The following TLR1 variants were observed in gnomAD, a reference collection of about 807,000 sequenced individuals.
TLR1 encodes the protein toll like receptor 1.
A neutral mutation model predicts 20.2 loss-of-function variants in TLR1; 19 were observed. The observed-to-expected ratio is 0.94, with a 90% CI of 0.66 to 1.38. The LOEUF is 1.38. TLR1 is among the 40% of genes most tolerant of loss of function. The probability of loss-of-function intolerance (pLI) is 0.00; values close to 1 mark genes in which losing one functional copy is unlikely to be tolerated. For missense variants in TLR1, 921 were observed against 910.0 expected (o/e 1.01, Z -0.16); for synonymous variants, 320 against 334.5 (o/e 0.96, Z 0.47).
downstream of TLR1, among the ~76,000 whole-genome samples, chr4:38,789,652 G>A (rs569328289): frequency 7.9e-5 from 12 of 152,084 alleles, no homozygotes; most frequent in Middle Eastern, 3.4e-3. Context: ...TAGTAGAGCC[G>A]GGGTTTCACC....
intron 3 of TLR1, chr4:38,800,516 C>T (rs1187528514): frequency 6.6e-6 from 1 of 152,272 alleles, no homozygotes; most frequent in Non-Finnish European, 1.5e-5. Flanking sequence ...AGCTAAGACA[C>T]CATTTTGTGG....
Position 38,798,249 on chromosome 4 carries a change from C to G in TLR1, c.583G>C (p.Val195Leu). The change falls in exon 4 of 4, where the codon GTG becomes CTG. Residue 195 changes from valine (V) to leucine (L), a missense_variant. By Grantham distance (32) the Val-to-Leu change is conservative (BLOSUM62 1). Coordinates refer to ENST00000308979, the MANE Select transcript of TLR1 (RefSeq NM_003263.4). ...QDFNTESLHI[V>L]FPTNKEFHFI... is the part of the protein sequence containing the mutation. ...TGGAATTCTTTGTTTGTGGGGAACA[C>G]AATGTGCAGACTCTCAGTGTTAAAG... 6.2e-7 allele frequency: 1 copy of G among 1,613,420 alleles called. No homozygotes were observed.
In TLR1 at chr4:38,798,326, A is replaced by G. The variant is rs758067803; in HGVS notation, c.506T>C (p.Leu169Pro). The G allele has an allele frequency of 3.7e-6, 6 of 1,613,988 alleles. No homozygotes were observed. The highest frequency in any genetic ancestry group is 5.1e-6 in the Non-Finnish European group (6 of 1,179,920). ...TTCCCCATAAGTCTCTCCTAAGACCAGCAAGACCTTGCTGATATTCAAATG... is the reference window on the plus strand; with the variant it reads ...TTCCCCATAAGTCTCTCCTAAGACCGGCAAGACCTTGCTGATATTCAAATG... ...IAHLNISKVL[L>P]VLGETYGEKE... The change falls in exon 4 of 4, where the codon CTG (leucine) becomes CCG (proline). Residue 169 changes from leucine to proline, a missense_variant. Leu to Pro is a moderately conservative substitution (Grantham distance 98). Transcript: ENST00000308979.
chr4:38,799,662 G>A (rs909892675), intron 3 of TLR1, among the ~76,000 whole-genome samples: 7 of 152,116 alleles, frequency 4.6e-5, no homozygotes, highest in African/African-American at 1.4e-4. Flanking sequence ...ACTCTTTGAC[G>A]TACATCTCCC....
rs150011580 is a variant in TLR1, at chr4:38,797,676, C to T, written c.1156G>A (p.Glu386Lys). 365 of 1,613,646 alleles carry T rather than the reference C, an allele frequency of 2.3e-4. No homozygotes were observed. The highest frequency in any genetic ancestry group is 3.0e-4 in the Non-Finnish European group (355 of 1,179,944). Residue 386 changes from glutamate (E) to lysine (K), a missense_variant, in exon 4 of 4, where the codon GAA (glutamate) becomes AAA (lysine). By Grantham distance (56) the Glu-to-Lys change is moderately conservative (BLOSUM62 1). Coordinates refer to ENST00000308979, the MANE Select transcript of TLR1 (RefSeq NM_003263.4). ...TLILQMNQLK[E>K]LSKIAEMTTQ... ...GTCATTTCAGCTATTTTTGAAAGTT[C>T]TTTTAATTGATTCATTTGTAAAATA...
At chr4:38,805,273 T>C (rs1215077858), upstream of TLR1, 1 of 152,242 alleles carries the variant, frequency 6.6e-6, no homozygotes, top group African/African-American at 2.4e-5. Context: ...ATCATTCATG[T>C]GCTGGTTACA....
upstream of TLR1, chr4:38,804,885 A>T (rs1726924003): frequency 6.6e-6 from 1 of 152,180 alleles, no homozygotes. Context: ...TATGCCACCT[A>T]CCGAATTCCA....
chr4:38,794,107 T>C (rs900887572), downstream of TLR1, among the ~76,000 whole-genome samples: 2 of 152,210 alleles, frequency 1.3e-5, no homozygotes, highest in Non-Finnish European at 2.9e-5. Context: ...TTCAGTTGTT[T>C]AGGCCACCCA....
At chr4:38,791,024 G>A (rs1411915439) in exon 4 of TLR1, 1 of 152,132 alleles carries the variant, frequency 6.6e-6, no homozygotes, top group African/African-American at 2.4e-5. Context: ...TCATTCACAC[G>A]GGTGGGTGTT....
At chr4:38,788,575 T>C (rs1319999691), downstream of TLR1, among the ~76,000 whole-genome samples, 6 of 152,348 alleles carry the variant, frequency 3.9e-5, no homozygotes, top group East Asian at 1.2e-3. Context: ...CTAAGATATA[T>C]TTCAATACGT....
chr4:38,803,692 C>T (rs1185149094), intron 2 of TLR1, among the ~76,000 whole-genome samples: 1 of 152,072 alleles, frequency 6.6e-6, no homozygotes, highest in African/African-American at 2.4e-5. Context: ...TTTCCTAGAC[C>T]AAAGAATTTT....
chr4:38,791,405 C>G (rs985949189), downstream of TLR1, among the ~76,000 whole-genome samples: 8 of 152,338 alleles, frequency 5.3e-5, no homozygotes, highest in African/African-American at 1.9e-4. Flanking sequence ...TTATTGCCCA[C>G]ATATCAATGG....
Position 38,797,314 on chromosome 4 carries a change from C to A in TLR1, c.1518G>T (p.Ser506=), listed in dbSNP as rs5743614. Residue 506 remains serine, a synonymous_variant, in exon 4 of 4, where the codon TCG becomes TCT. Transcript: ENST00000308979. ...IIDHNSVSHP[S]ADFFQSCQKM... Reference sequence around the variant, plus strand: ...TCTGGCAGCTCTGGAAGAAATCAGCCGATGGGTGGGAAACTGAATTGTGAT... The same window carrying A: ...TCTGGCAGCTCTGGAAGAAATCAGCAGATGGGTGGGAAACTGAATTGTGAT... 4 of 1,613,176 alleles carry A rather than the reference C, an allele frequency of 2.5e-6. No homozygotes were observed. Among genetic ancestry groups the A allele is most frequent in the Non-Finnish European group, 3.4e-6 (4 of 1,179,932 alleles).
rs1286544062 is a variant in TLR1 at position 38,798,740 on chromosome 4, C to T, written c.92G>A (p.Arg31Lys). ...LSEESEFLVD[R>K]SKNGLIHVPK... ...AACGTGGATGAGACCGTTTTTTGAC[C>T]TATCAACTAAAAATTCACTTTCTTC... Residue 31 changes from arginine (R) to lysine (K), a missense_variant, in exon 4 of 4, where the codon AGG (arginine) becomes AAG (lysine). Transcript: ENST00000308979. 2 of 1,612,468 alleles carry T rather than the reference C, an allele frequency of 1.2e-6. No individual in the cohort carries two copies. The highest frequency in any genetic ancestry group is 3.3e-5 in the Admixed American group (2 of 59,882).
In TLR1 at chr4:38,796,936, T is replaced by C. The variant is rs1276752430; in HGVS notation, c.1896A>G (p.Gln632=). 4.3e-6 allele frequency: 7 copies of C among 1,614,102 alleles called. No individual in the cohort carries two copies. The highest frequency in any genetic ancestry group is 4.0e-5 in the African/African-American group (3 of 74,924). The change falls in exon 4 of 4, where the codon CAA becomes CAG. Residue 632 remains glutamine, a synonymous_variant. Transcript: ENST00000308979. ...RARNIPLEEL[Q]RNLQFHAFIS... is the part of the protein sequence containing the mutation. ...TAAATGCATGAAACTGGAGATTTCT[T>C]TGGAGTTCTTCTAAGGGTATGTTCC...
chr4:38,804,237 G>T (rs187293713), intron 2 of TLR1, 69 bp downstream of exon 2: 5 of 152,250 alleles, frequency 3.3e-5, no homozygotes, highest in Admixed American at 3.3e-4. Context: ...CCCCAGAACA[G>T]TGTTAGTGGC....
chr4:38,801,471 A>C (rs1201492180), intron 2 of TLR1, among the ~76,000 whole-genome samples: 1 of 152,214 alleles, frequency 6.6e-6, no homozygotes, highest in Non-Finnish European at 1.5e-5. Flanking sequence ...AATAATGGGA[A>C]TAAAAATAAT....
At position 38,798,664 on chromosome 4, in the gene TLR1, A is replaced by G. The variant is rs1212976479; in HGVS notation, c.168T>C (p.Tyr56=). The G allele has an allele frequency of 6.2e-7, 1 of 1,614,026 alleles. No homozygotes were observed. The highest frequency in any genetic ancestry group is 8.5e-7 in the Non-Finnish European group (1 of 1,179,942). ...KTTILNISQN[Y]ISELWTSDIL... Reference sequence around the variant, plus strand: ...TGTCAGAAGTCCAAAGCTCAGATATATAATTTTGCGATATATTTAAGATTG... The same window carrying G: ...TGTCAGAAGTCCAAAGCTCAGATATGTAATTTTGCGATATATTTAAGATTG... Residue 56 remains tyrosine, a synonymous_variant, in exon 4 of 4, where the codon TAT becomes TAC. Coordinates refer to ENST00000308979, the MANE Select transcript of TLR1 (RefSeq NM_003263.4).
chr4:38,789,130 C>T (rs1361414110), downstream of TLR1, among the ~76,000 whole-genome samples: 1 of 152,146 alleles, frequency 6.6e-6, no homozygotes, highest in Non-Finnish European at 1.5e-5. Context: ...TTATTTTTGT[C>T]TACTGTATCT....
Sources: gnomAD v4.1 joint callset for allele counts (sites outside exome capture counted in the v4.1 genomes callset) on GRCh38, gnomAD v4.1.1 for gene constraint, MANE v1.5 for transcripts, NCBI Gene and HGNC (gene_info 2026-07-23, HGNC 2026-07-21) for gene names.